The following ZFAND4 variants were observed in gnomAD, a reference collection of about 807,000 sequenced individuals.
ZFAND4 encodes AN1-type zinc finger protein 4.
ZFAND4 carries 43 observed loss-of-function variants against 64.4 expected under a neutral mutation model. The ratio of observed to expected loss-of-function variants is 0.67; its 90% CI spans 0.52 to 0.86. The LOEUF (loss-of-function observed/expected upper bound fraction) is 0.86. ZFAND4 is among the 40% of genes least tolerant of loss of function. The probability of loss-of-function intolerance (pLI) is 0.00; values close to 1 mark genes in which losing one functional copy is unlikely to be tolerated. For synonymous variants in ZFAND4, 296 were observed against 305.7 expected (o/e 0.97, Z 0.33); for missense variants, 929 against 859.8 (o/e 1.08, Z -1.01).
At chr10:45,621,335 G>T (rs560084820) in intron 8 of ZFAND4, among the ~76,000 whole-genome samples, 1 of 151,322 alleles carries the variant, frequency 6.6e-6, no homozygotes, top group South Asian at 2.1e-4. Flanking sequence ...AAGTTACACA[G>T]CTCTACTGCA....
rs552093342 is a variant in ZFAND4, at chr10:45,663,938, C to T, written c.-117-96G>A. 207 of 420,854 alleles carry T rather than the reference C, an allele frequency of 4.9e-4. 4 individuals carry two copies. The South Asian group carries it at 8.0e-3, about 16-fold the overall frequency. 26.1% of individuals were successfully genotyped at this position (420,854 alleles called of 1,614,324 possible). On this transcript the variant is annotated intron_variant, in intron 1 of 9. Transcript: ENST00000344646. ...CTGTGGCCCATATCAATCTTCCAGA[C>T]GGCCCCAGAATTCACTTTAGTGCTT...
rs1003305845 is a variant in ZFAND4 at position 45,662,730 on chromosome 10, C to T, written c.184+812G>A. On this transcript the variant is annotated intron_variant, in intron 2 of 9. Transcript: ENST00000344646. ...GAGCTCATATATATCCTTGGCCTCA[C>T]AAAAATGAAAAATTCTAACCCTCCT... The T allele has an allele frequency of 5.3e-6, 5 of 936,782 alleles. No individual in the cohort carries two copies. The African/African-American group carries it at 7.1e-5, about 13-fold the overall frequency. 58.0% of individuals were successfully genotyped at this position (936,782 alleles called of 1,614,324 possible).
At chr10:45,628,834 T>A (rs1185383016) in intron 6 of ZFAND4, among the ~76,000 whole-genome samples, 1 of 139,716 alleles carries the variant, frequency 7.2e-6, no homozygotes, top group Non-Finnish European at 1.5e-5. Context: ...AAGAAACTCA[T>A]CTGCAAAGCC....
rs144206559 is a variant in ZFAND4, at chr10:45,668,289, G to A, written c.-118+3961C>T. Among the ~76,000 whole-genome samples the A allele has an allele frequency of 2.8e-4, 43 of 152,244 alleles. No individual in the cohort carries two copies. The East Asian group carries it at 7.1e-3, about 25-fold the overall frequency. ...ATTGGCCTTAGCCAAACTAAGCTTCGTAAGTGAAGGAGAAATAAAATCCTT... is the reference window on the plus strand; with the variant it reads ...ATTGGCCTTAGCCAAACTAAGCTTCATAAGTGAAGGAGAAATAAAATCCTT... On this transcript the variant is annotated intron_variant, in intron 1 of 9. Coordinates refer to ENST00000344646, the MANE Select transcript of ZFAND4 (RefSeq NM_174890.4).
At chr10:45,647,976 G>A (rs903958934) in intron 5 of ZFAND4, among the ~76,000 whole-genome samples, 2 of 152,084 alleles carry the variant, frequency 1.3e-5, no homozygotes, top group Admixed American at 1.3e-4. Flanking sequence ...TGCCTTTAAG[G>A]AGCAGAGTTA....
chr10:45,655,984 C>A, intron 2 of ZFAND4, among the ~76,000 whole-genome samples: 1 of 152,206 alleles, frequency 6.6e-6, no homozygotes, highest in Non-Finnish European at 1.5e-5. Context: ...GTAATCCCAG[C>A]ACTTTGGGAG....
At chr10:45,623,210 G>C (rs568927966) in intron 8 of ZFAND4, among the ~76,000 whole-genome samples, 1 of 152,082 alleles carries the variant, frequency 6.6e-6, no homozygotes, top group Non-Finnish European at 1.5e-5. Context: ...ACAATATGAC[G>C]GTTCCTCAAA....
At chr10:45,658,644 T>C (rs1477858399) in intron 2 of ZFAND4, among the ~76,000 whole-genome samples, 1 of 152,252 alleles carries the variant, frequency 6.6e-6, no homozygotes, top group East Asian at 1.9e-4. Context: ...TGTCTAATCG[T>C]ATATATTGCT....
intron 6 of ZFAND4, among the ~76,000 whole-genome samples, chr10:45,630,861 G>A (rs756047108): frequency 6.6e-5 from 10 of 151,848 alleles, no homozygotes; most frequent in Non-Finnish European, 1.2e-4. Context: ...GGTATCTCAT[G>A]CCGCTGAGGC....
intron 6 of ZFAND4, among the ~76,000 whole-genome samples, chr10:45,630,961 T>TAA (rs1378126279): frequency 8.1e-6 from 1 of 123,630 alleles, no homozygotes; most frequent in Admixed American, 8.2e-5. Context: ...ACCCTGTCTT[T>TAA]AAAAAAAAAA....
intron 8 of ZFAND4, among the ~76,000 whole-genome samples, chr10:45,619,842 G>A (rs1257656650): frequency 1.3e-5 from 2 of 152,128 alleles, no homozygotes; most frequent in Non-Finnish European, 2.9e-5. Context: ...ACTCCTAATG[G>A]TGCCTGGGTA....
chr10:45,635,467 T>C (rs961840302), intron 6 of ZFAND4, among the ~76,000 whole-genome samples: 2 of 152,138 alleles, frequency 1.3e-5, no homozygotes, highest in Non-Finnish European at 2.9e-5. Flanking sequence ...TGGATCCACA[T>C]GCAGAAGAAT....
At chr10:45,668,124 T>G (rs2048952794) in intron 1 of ZFAND4, among the ~76,000 whole-genome samples, 1 of 152,246 alleles carries the variant, frequency 6.6e-6, no homozygotes, top group Non-Finnish European at 1.5e-5. Context: ...TAAATCCCAT[T>G]TGTACCTGGT....
Position 45,672,711 on chromosome 10 carries a change from C to T in ZFAND4, c.-579G>A, listed in dbSNP as rs1441068608. The T allele has an allele frequency of 2.0e-5, 3 of 152,216 alleles. No homozygotes were observed. Among genetic ancestry groups the T allele is most frequent in the Non-Finnish European group, 4.4e-5 (3 of 68,062 alleles). The allele number at this position is 152,216 out of a possible 1,614,324, so 9.4% of individuals were successfully genotyped here. A position where few individuals can be genotyped will look rare whatever the true frequency, so the allele number is the denominator to read the frequency against. ...CTTGTCCGCTGGCTCGCTCGCCCGC[C>T]TACAGGTCGACAGGGCCCAACGACC... On this transcript the variant is annotated 5_prime_UTR_variant, in exon 1 of 10. Transcript: ENST00000344646.
rs2044937057 is a variant in ZFAND4, at chr10:45,616,346, T to C, written c.*90A>G. On this transcript the variant is annotated 3_prime_UTR_variant, in exon 10 of 10. Transcript: ENST00000344646. ...TGCTTTTGTTATTTGGCAAATCTTT[T>C]AGAGTCGAACAAAAATAATAGTCTA... The C allele has an allele frequency of 1.3e-6, 2 of 1,516,060 alleles. No homozygotes were observed. The highest frequency in any genetic ancestry group is 1.4e-5 in the African/African-American group (1 of 71,918). 93.9% of individuals were successfully genotyped at this position (1,516,060 alleles called of 1,614,324 possible). A position where few individuals can be genotyped will look rare whatever the true frequency, so the allele number is the denominator to read the frequency against.
chr10:45,660,840 G>A (rs1367574178), intron 2 of ZFAND4, among the ~76,000 whole-genome samples: 1 of 152,142 alleles, frequency 6.6e-6, no homozygotes, highest in Non-Finnish European at 1.5e-5. Context: ...AGAAATGAAG[G>A]AGAAATACTT....
intron 2 of ZFAND4, among the ~76,000 whole-genome samples, chr10:45,662,122 G>C (rs2048520871): frequency 6.6e-6 from 1 of 152,082 alleles, no homozygotes; most frequent in African/African-American, 2.4e-5. Context: ...TGTTATGACA[G>C]CTCCAGCAGA....
chr10:45,645,038 G>A (rs780152004), intron 5 of ZFAND4, among the ~76,000 whole-genome samples: 2 of 148,386 alleles, frequency 1.3e-5, no homozygotes, highest in Non-Finnish European at 3.0e-5. Flanking sequence ...CTGGAGTGCA[G>A]TGGTGTGATC....
intron 5 of ZFAND4, among the ~76,000 whole-genome samples, chr10:45,642,196 T>C (rs372723715): frequency 6.6e-6 from 1 of 152,330 alleles, no homozygotes; most frequent in East Asian, 1.9e-4. Context: ...ATTTTAAGTA[T>C]CTTTACTGAA....
Sources: gnomAD v4.1 joint callset for allele counts (sites outside exome capture counted in the v4.1 genomes callset) on GRCh38, gnomAD v4.1.1 for gene constraint, MANE v1.5 for transcripts, NCBI Gene and HGNC (gene_info 2026-07-23, HGNC 2026-07-21) for gene names.